Variants in SNTG1 observed in about 807,000 individuals in gnomAD.
SNTG1 encodes the protein gamma-1-syntrophin.
SNTG1 carries 39 observed loss-of-function variants against 74.7 expected under a neutral mutation model. The observed-to-expected ratio is 0.52, with a 90% confidence interval of 0.40 to 0.68. The LOEUF is 0.68. Among genes scored for constraint, SNTG1 ranks in the 30% least tolerant of loss-of-function variants. The pLI is 0.00. For synonymous variants in SNTG1, 254 were observed against 217.1 expected, an observed-to-expected ratio of 1.17 and a Z score of -1.49; for missense variants, 685 against 609.5, an observed-to-expected ratio of 1.12 and a Z score of -1.30.
intron 1 of SNTG1, among the ~76,000 whole-genome samples, chr8:49,954,393 A>C (rs753191144): frequency 9.9e-5 from 15 of 152,176 alleles, no homozygotes; most frequent in Non-Finnish European, 2.1e-4. Context: ...TTAGGCTGTA[A>C]GATCTAATAA....
At chr8:50,129,473 C>A (rs1455882786) in intron 1 of SNTG1, among the ~76,000 whole-genome samples, 1 of 152,116 alleles carries the variant, frequency 6.6e-6, no homozygotes, top group African/African-American at 2.4e-5. Context: ...AGTCTTCCTA[C>A]AAAAGTTGAA....
intron 18 of SNTG1, among the ~76,000 whole-genome samples, chr8:50,763,176 G>T (rs2095603873): frequency 6.6e-6 from 1 of 151,870 alleles, no homozygotes; most frequent in South Asian, 2.1e-4. Context: ...CAATTTTGGG[G>T]ACAGTGGTTT....
Position 50,115,743 on chromosome 8 carries a change from A to G in SNTG1, c.-102-56818A>G, listed in dbSNP as rs777982195. Among the ~76,000 whole-genome samples, 3 of 152,076 alleles carry G rather than the reference A, an allele frequency of 2.0e-5. No homozygotes were observed. In the East Asian group the frequency reaches 5.8e-4, roughly 29 times the overall value. On this transcript the variant is annotated intron_variant, in intron 1 of 18. Transcript: ENST00000642720. ...GTTTACATTGCATTTTATTGTTTAC[A>G]TTACATTAAGTCAATGACCCATTTA...
chr8:50,745,429 G>A (rs1911836), intron 17 of SNTG1, among the ~76,000 whole-genome samples: 74,586 of 151,860 alleles, frequency 0.49, 22,856 homozygotes, highest in African/African-American at 0.88. Flanking sequence ...CTCATAAATG[G>A]AAGAGTAACC....
chr8:49,922,938 C>A (rs1416678514), intron 1 of SNTG1, among the ~76,000 whole-genome samples: 1 of 152,078 alleles, frequency 6.6e-6, no homozygotes, highest in Non-Finnish European at 1.5e-5. Context: ...CATAAATGTA[C>A]TGATAAATGT....
At chr8:50,668,799 A>G (rs572817016) in intron 15 of SNTG1, among the ~76,000 whole-genome samples, 46 of 152,064 alleles carry the variant, frequency 3.0e-4, no homozygotes, top group South Asian at 1.2e-3. Context: ...GTCCCTGCAA[A>G]GGACATGATC....
intron 2 of SNTG1, among the ~76,000 whole-genome samples, chr8:50,200,493 A>G (rs1175378818): frequency 6.6e-6 from 1 of 152,136 alleles, no homozygotes; most frequent in Non-Finnish European, 1.5e-5. Context: ...TAGCAAGCAG[A>G]AATCTTCTCT....
chr8:50,675,519 C>G (rs976428793), intron 15 of SNTG1, among the ~76,000 whole-genome samples: 1 of 151,418 alleles, frequency 6.6e-6, no homozygotes, highest in Non-Finnish European at 1.5e-5. Context: ...GGTAAATTTT[C>G]TTCCATCCCT....
At chr8:50,442,661 G>T (rs1336568622) in intron 5 of SNTG1, among the ~76,000 whole-genome samples, 16 of 66,698 alleles carry the variant, frequency 2.4e-4, no homozygotes, top group Admixed American at 8.6e-4. Context: ...TTTTTTCTTT[G>T]TATTAATTTG....
intron 13 of SNTG1, among the ~76,000 whole-genome samples, chr8:50,634,205 T>C (rs141121477): frequency 6.6e-6 from 1 of 152,292 alleles, no homozygotes; most frequent in Non-Finnish European, 1.5e-5. Flanking sequence ...CCTCATTATA[T>C]TTTTACTGAC....
intron 12 of SNTG1, among the ~76,000 whole-genome samples, chr8:50,587,920 G>A (rs947958671): frequency 2.6e-5 from 4 of 151,896 alleles, no homozygotes; most frequent in Admixed American, 6.6e-5. Flanking sequence ...GACCATTCTG[G>A]CCAACATGGT....
At chr8:50,291,064 A>G (rs1050247031) in intron 2 of SNTG1, among the ~76,000 whole-genome samples, 3 of 152,162 alleles carry the variant, frequency 2.0e-5, no homozygotes, top group Non-Finnish European at 4.4e-5. Flanking sequence ...TTATGTATTT[A>G]TTCATTCTTG....
In SNTG1 at chr8:50,340,787, G is replaced by T. The variant is rs539290905; in HGVS notation, c.-27-53425G>T. On this transcript the variant is annotated intron_variant, in intron 2 of 18. Coordinates refer to ENST00000642720, the MANE Select transcript of SNTG1 (RefSeq NM_018967.5). ...CTCACTAATCTATTGATTAAAAGTA[G>T]ATTAAAAATGATGCACTCTGTAAGT... Among the ~76,000 whole-genome samples, 23 of 151,982 alleles carry T rather than the reference G, an allele frequency of 1.5e-4. No homozygotes were observed. In the South Asian group the frequency reaches 3.3e-3, roughly 22 times the overall value.
chr8:50,045,304 G>A (rs376898992), intron 1 of SNTG1, among the ~76,000 whole-genome samples: 1 of 152,192 alleles, frequency 6.6e-6, no homozygotes, highest in Non-Finnish European at 1.5e-5. Flanking sequence ...TCTAGTGAGA[G>A]CCTCAGGAAA....
At chr8:50,107,987 C>T (rs956565299) in intron 1 of SNTG1, among the ~76,000 whole-genome samples, 8 of 152,138 alleles carry the variant, frequency 5.3e-5, no homozygotes, top group Non-Finnish European at 1.2e-4. Context: ...GTGAGCATTT[C>T]CCCAAGCTAT....
chr8:50,692,293 G>A (rs1392133413), intron 15 of SNTG1, among the ~76,000 whole-genome samples: 1 of 152,176 alleles, frequency 6.6e-6, no homozygotes, highest in Admixed American at 6.5e-5. Flanking sequence ...TGCTGGTGAG[G>A]AGCTGCATTC....
At chr8:50,698,544 A>T (rs752064398) in intron 15 of SNTG1, among the ~76,000 whole-genome samples, 23 of 152,082 alleles carry the variant, frequency 1.5e-4, no homozygotes, top group Non-Finnish European at 2.8e-4. Context: ...AGCCCATGCC[A>T]TACTTGATTC....
chr8:49,924,742 C>A lies in SNTG1; in HGVS notation c.-103+12511C>A, dbSNP rs923666296. 5.3e-5 allele frequency among the ~76,000 whole-genome samples: 8 copies of A among 150,684 alleles called. No homozygotes were observed. The South Asian group carries it at 1.1e-3, about 20-fold the overall frequency. On this transcript the variant is annotated intron_variant, in intron 1 of 18. Coordinates refer to ENST00000642720, the MANE Select transcript of SNTG1 (RefSeq NM_018967.5). ...TTTAATGGGTACCTCTGTATGTAACCATAGTTCAGGGCAAATGAGCAATCT... is the reference window on the plus strand; with the variant it reads ...TTTAATGGGTACCTCTGTATGTAACAATAGTTCAGGGCAAATGAGCAATCT...
At chr8:50,286,092 TTC>T (rs1435439311) in intron 2 of SNTG1, among the ~76,000 whole-genome samples, 6 of 151,596 alleles carry the variant, frequency 4.0e-5, no homozygotes, top group Non-Finnish European at 8.9e-5. Flanking sequence ...TATGTATAAC[TTC>T]TCTTTTTCCT....
Sources: gnomAD v4.1 joint callset for allele counts (sites outside exome capture counted in the v4.1 genomes callset) on GRCh38, gnomAD v4.1.1 for gene constraint, MANE v1.5 for transcripts, NCBI Gene and HGNC (gene_info 2026-07-23, HGNC 2026-07-21) for gene names.